The following KLRG1 variants were observed in gnomAD, a reference collection of about 807,000 sequenced individuals.
KLRG1 encodes the protein killer cell lectin like receptor G1, also known as killer cell lectin-like receptor subfamily G member 1.
In KLRG1, 16 loss-of-function variants were observed where a neutral mutation model predicts 21.8. The ratio of observed to expected loss-of-function variants is 0.73; its 90% CI spans 0.50 to 1.11. The LOEUF (loss-of-function observed/expected upper bound fraction) is 1.11, where lower values mean the gene tolerates loss of function less well. Among genes scored for constraint, KLRG1 ranks in the 50% most tolerant of loss-of-function variants. KLRG1 has a pLI of 0.00. For missense variants in KLRG1, 173 were observed against 218.3 expected, an observed-to-expected ratio of 0.79 and a Z score of 1.31; for synonymous variants, 69 against 75.9, an observed-to-expected ratio of 0.91 and a Z score of 0.47.
intron 1 of KLRG1, among the ~76,000 whole-genome samples, chr12:8,972,016 A>G (rs1008902895): frequency 4.6e-5 from 7 of 152,160 alleles, no homozygotes. Context: ...TTAATGAAAT[A>G]CCATTTGTCT....
At chr12:9,015,530 A>G (rs1947687924), downstream of KLRG1, among the ~76,000 whole-genome samples, 1 of 152,206 alleles carries the variant, frequency 6.6e-6, no homozygotes, top group African/African-American at 2.4e-5. Context: ...TCAGAGCTAA[A>G]GAAAGAGATA....
At chr12:9,011,018 C>G (rs1230196398), downstream of KLRG1, among the ~76,000 whole-genome samples, 1 of 152,236 alleles carries the variant, frequency 6.6e-6, no homozygotes, top group East Asian at 1.9e-4. Context: ...TAGTGACTCT[C>G]AATTAAGGAT....
Position 9,009,859 on chromosome 12 carries a change from A to G in KLRG1, c.*322A>G. 1 of 1,473,042 alleles carries G rather than the reference A, an allele frequency of 6.8e-7. No homozygotes were observed. Among genetic ancestry groups the G allele is most frequent in the Non-Finnish European group, 9.0e-7 (1 of 1,116,354 alleles). The allele number at this position is 1,473,042 out of a possible 1,614,324, so 91.2% of individuals were successfully genotyped here. On this transcript the variant is annotated 3_prime_UTR_variant, in exon 5 of 5. Coordinates refer to ENST00000356986, the MANE Select transcript of KLRG1 (RefSeq NM_005810.4). ...TCCCAACCATCTCTGTCAAAAATATACCTTTTTCATATGATATTCTGAGCT... is the reference window on the plus strand; with the variant it reads ...TCCCAACCATCTCTGTCAAAAATATGCCTTTTTCATATGATATTCTGAGCT...
chr12:9,156,771 G>C, the KLRG1 span, among the ~76,000 whole-genome samples: 1 of 152,156 alleles, frequency 6.6e-6, no homozygotes, highest in Non-Finnish European at 1.5e-5. Flanking sequence ...AGGAATTACA[G>C]ATGAAGCTTG....
At chr12:9,028,149 CTT>C in the KLRG1 span, 1,673 of 480,272 alleles carry the variant, frequency 3.5e-3, no homozygotes, top group East Asian at 5.6e-3. Flanking sequence ...TCGTCTTCTT[CTT>C]TTTTTTTTTT....
At chr12:9,198,565 A>G in the KLRG1 span, among the ~76,000 whole-genome samples, 1 of 152,148 alleles carries the variant, frequency 6.6e-6, no homozygotes, top group Non-Finnish European at 1.5e-5. Context: ...AGGGAGAGAG[A>G]GGGAGAAAAA....
the KLRG1 span, among the ~76,000 whole-genome samples, chr12:9,193,825 A>G: frequency 7.9e-5 from 12 of 152,310 alleles, no homozygotes; most frequent in East Asian, 2.3e-3. Context: ...TCACGACCCA[A>G]ATCAAATAAG....
chr12:9,044,822 C>A, the KLRG1 span, among the ~76,000 whole-genome samples: 2 of 152,144 alleles, frequency 1.3e-5, no homozygotes, highest in East Asian at 3.8e-4. Flanking sequence ...TAGTATATAT[C>A]ATTTTATTCA....
chr12:9,158,524 T>C, the KLRG1 span: 13 of 1,613,994 alleles, frequency 8.1e-6, no homozygotes, highest in African/African-American at 2.7e-5. Flanking sequence ...GCTTCATCAA[T>C]GAAGATGTAG....
At chr12:8,976,690 G>T (rs1946661552) in intron 1 of KLRG1, among the ~76,000 whole-genome samples, 1 of 151,958 alleles carries the variant, frequency 6.6e-6, no homozygotes, top group African/African-American at 2.4e-5. Context: ...CTATTGAATT[G>T]ACCTTTTTAT....
chr12:8,953,052 C>G (rs984751299), intron 1 of KLRG1, among the ~76,000 whole-genome samples: 6 of 152,070 alleles, frequency 3.9e-5, no homozygotes, highest in Admixed American at 2.6e-4. Flanking sequence ...GTGACACCCC[C>G]CCCCCGCAAA....
chr12:9,182,319 C>A, the KLRG1 span, among the ~76,000 whole-genome samples: 1 of 152,170 alleles, frequency 6.6e-6, no homozygotes, highest in East Asian at 1.9e-4. Context: ...TTAATTATAG[C>A]AGAAGTTAAC....
the KLRG1 span, among the ~76,000 whole-genome samples, chr12:9,148,641 C>G: frequency 2.0e-5 from 3 of 152,090 alleles, no homozygotes; most frequent in Admixed American, 2.0e-4. Context: ...TATTATCTAT[C>G]ATCCCCTTAT....
the KLRG1 span, chr12:9,110,352 AAAG>A: frequency 3.6e-6 from 5 of 1,386,272 alleles, no homozygotes; most frequent in Non-Finnish European, 4.8e-6. Flanking sequence ...ACAAAAGAAA[AAAG>A]AAGTTTATAA....
chr12:9,091,694 A>C, the KLRG1 span, among the ~76,000 whole-genome samples: 1 of 152,184 alleles, frequency 6.6e-6, no homozygotes, highest in South Asian at 2.1e-4. Flanking sequence ...ATTGTTCTTA[A>C]GTTCTCTTCT....
the KLRG1 span, chr12:9,111,482 G>A: frequency 2.2e-6 from 1 of 455,580 alleles, no homozygotes; most frequent in Non-Finnish European, 4.4e-6. Flanking sequence ...ACTAGGACTA[G>A]CTTGCAGCAG....
chr12:8,962,681 A>C (rs1592238216), intron 1 of KLRG1, among the ~76,000 whole-genome samples: 1 of 150,560 alleles, frequency 6.6e-6, no homozygotes, highest in Non-Finnish European at 1.5e-5. Context: ...ACACCACTGC[A>C]CTCCAGCCTG....
At chr12:8,974,117 C>T (rs1250248228) in intron 1 of KLRG1, among the ~76,000 whole-genome samples, 13 of 151,010 alleles carry the variant, frequency 8.6e-5, no homozygotes, top group Non-Finnish European at 1.9e-4. Flanking sequence ...TTTCCTTTAA[C>T]CAGATCTTAC....
chr12:9,070,870 G>C, the KLRG1 span, among the ~76,000 whole-genome samples: 1 of 151,498 alleles, frequency 6.6e-6, no homozygotes, highest in African/African-American at 2.4e-5. Flanking sequence ...GCCCAGGCTG[G>C]AGTGCAATGG....
Sources: gnomAD v4.1 joint callset for allele counts (sites outside exome capture counted in the v4.1 genomes callset) on GRCh38, gnomAD v4.1.1 for gene constraint, MANE v1.5 for transcripts, NCBI Gene and HGNC (gene_info 2026-07-23, HGNC 2026-07-21) for gene names.